CNKSR1: variants seen among roughly 807,000 people sequenced by gnomAD.
The protein encoded by CNKSR1 is CNK homolog protein 1.
In CNKSR1, 88 loss-of-function variants were observed where a neutral mutation model predicts 95.6. The observed-to-expected ratio is 0.92, with a 90% CI of 0.78 to 1.10. The LOEUF is 1.10. CNKSR1 is among the 50% of genes least tolerant of loss of function. CNKSR1 has a pLI of 0.00. For missense variants in CNKSR1, 836 were observed against 912.0 expected (o/e 0.92, Z 1.07); for synonymous variants, 355 against 369.7 (o/e 0.96, Z 0.46).
At chr1:26,188,128 A>C (rs541245617) in intron 16 of CNKSR1, 106 bp from the exon 17 acceptor site, 1 of 940,600 alleles carries the variant, frequency 1.1e-6, no homozygotes, top group African/African-American at 1.6e-5. Flanking sequence ...CATCCCTCTC[A>C]GAGTTGCTCT....
In CNKSR1 at chr1:26,181,960, A is replaced by C; in HGVS notation, c.477+19A>C. The C allele has an allele frequency of 6.2e-7, 1 of 1,611,942 alleles. No individual in the cohort carries two copies. The highest frequency in any genetic ancestry group is 8.5e-7 in the Non-Finnish European group (1 of 1,178,172). ...GCATGAGGTAGGAGAACCAAGGGCC[A>C]GGCTTGGCCCATGCCCTAGAGACCA... On this transcript the variant is annotated intron_variant, in intron 4 of 20. Coordinates refer to ENST00000361530, the MANE Select transcript of CNKSR1 (RefSeq NM_006314.3).
Position 26,185,089 on chromosome 1 carries a change from T to G in CNKSR1, c.1211T>G (p.Leu404Arg). ...CGGCCGGACTGTGACGGCTGGCTCC[T>G]GTTGCGAAAGGCACCGGGCGGCTTC... ...LGRPDCDGWLLLRKAPGGFMG... is the reference protein window; with the variant it reads ...LGRPDCDGWLRLRKAPGGFMG... Residue 404 changes from leucine to arginine, a missense_variant, in exon 14 of 21, where the codon CTG becomes CGG. Leu to Arg is a moderately radical substitution (Grantham distance 102). Coordinates refer to ENST00000361530, the MANE Select transcript of CNKSR1 (RefSeq NM_006314.3). 1 of 1,606,164 alleles carries G rather than the reference T, an allele frequency of 6.2e-7. No individual in the cohort carries two copies. The highest frequency in any genetic ancestry group is 1.7e-5 in the Admixed American group (1 of 59,470).
At position 26,177,506 on chromosome 1, in the gene CNKSR1, C is replaced by G; in HGVS notation, c.-42C>G. The G allele has an allele frequency of 6.2e-7, 1 of 1,612,612 alleles. No individual in the cohort carries two copies. The highest frequency in any genetic ancestry group is 1.1e-5 in the South Asian group (1 of 90,708). ...CTGGGAGCGGAAATTCCGGCGACAGCAGGGCAAAACAGGAGCTGATTCGAG... is the reference window on the plus strand; with the variant it reads ...CTGGGAGCGGAAATTCCGGCGACAGGAGGGCAAAACAGGAGCTGATTCGAG... On this transcript the variant is annotated 5_prime_UTR_variant, in exon 1 of 21. Transcript: ENST00000361530.
chr1:26,181,611 T>C (rs192780791), intron 3 of CNKSR1: 13 of 489,766 alleles, frequency 2.7e-5, no homozygotes, highest in Non-Finnish European at 4.5e-5. Flanking sequence ...TAAATTGATA[T>C]TGATGTATGA....
intron 16 of CNKSR1, 27 bp downstream of exon 16, chr1:26,187,509 C>G: frequency 1.2e-6 from 2 of 1,610,302 alleles, no homozygotes; most frequent in South Asian, 2.2e-5. Flanking sequence ...TTAGCCCCTA[C>G]TCTCATATGA....
intron 2 of CNKSR1, 31 bp from the exon 3 acceptor site, chr1:26,180,684 A>C (rs773320900): frequency 1.2e-6 from 2 of 1,614,036 alleles, no homozygotes; most frequent in South Asian, 2.2e-5. Flanking sequence ...GGCTGCTGCC[A>C]GGGAGGTGAC....
rs377138617 is a variant in CNKSR1, at chr1:26,183,809, G to T, written c.834G>T (p.Pro278=). ...TCAGCTTAGTGCTGAAGAAGATCCC[G>T]ATACCGGAGACCCCCCCACAGGTAC... is the stretch of plus-strand genomic sequence containing the variant. ...AGLSLVLKKI[P]IPETPPQTPP... is the part of the protein sequence containing the mutation. Residue 278 remains proline, a synonymous_variant, in exon 9 of 21, where the codon CCG becomes CCT. Transcript: ENST00000361530. 1.2e-6 allele frequency: 2 copies of T among 1,610,268 alleles called. No homozygotes were observed. The highest frequency in any genetic ancestry group is 2.7e-5 in the African/African-American group (2 of 74,430).
chr1:26,182,826 G>A (rs550015955), intron 6 of CNKSR1, among the ~76,000 whole-genome samples: 8 of 152,308 alleles, frequency 5.3e-5, no homozygotes, highest in South Asian at 2.1e-4. Context: ...GGATGGAGAC[G>A]GGGCAGGGGC....
At chr1:26,186,818 G>C in intron 14 of CNKSR1, 1 of 290,112 alleles carries the variant, frequency 3.4e-6, no homozygotes, top group Non-Finnish European at 6.6e-6. Flanking sequence ...TCCCAGTCTG[G>C]TCTCAAACTC....
chr1:26,184,027 T>C (rs369638842), intron 9 of CNKSR1, 44 bp from the exon 10 acceptor site: 2 of 1,474,786 alleles, frequency 1.4e-6, no homozygotes, highest in Non-Finnish European at 1.9e-6. Context: ...CCAACCTGCT[T>C]TCAGACCCCT....
At chr1:26,188,726 G>T in intron 19 of CNKSR1, 29 bp downstream of exon 19, 1 of 1,612,022 alleles carries the variant, frequency 6.2e-7, no homozygotes, top group South Asian at 1.1e-5. Flanking sequence ...GAGCTGGGCT[G>T]GGGGCTGGGG....
chr1:26,181,975 C>T (rs374990286), intron 4 of CNKSR1, 34 bp downstream of exon 4: 3 of 1,584,772 alleles, frequency 1.9e-6, no homozygotes, highest in African/African-American at 2.7e-5. Context: ...TGGCCCATGC[C>T]CTAGAGACCA....
chr1:26,189,208 T>A (rs1380817587), intron 20 of CNKSR1, 71 bp from the exon 21 acceptor site: 4 of 1,580,034 alleles, frequency 2.5e-6, no homozygotes, highest in Admixed American at 3.3e-5. Flanking sequence ...ACCTCCGGAG[T>A]GAAGTCTGGC....
In CNKSR1 at chr1:26,184,634, GTGGGGGT is replaced by G; in HGVS notation, c.1135+24_1135+30del. On this transcript the variant is annotated intron_variant, in intron 13 of 20. Coordinates refer to ENST00000361530, the MANE Select transcript of CNKSR1 (RefSeq NM_006314.3). ...AAAGGTATGAGGTGCGCTGGACTAGGTGGGGGTTCCCCTGTTTGAGGAGCTGTTAAAA... is the reference window on the plus strand; with the variant it reads ...AAAGGTATGAGGTGCGCTGGACTAGGTCCCCTGTTTGAGGAGCTGTTAAAA... 1.9e-6 allele frequency: 3 copies of G among 1,588,990 alleles called. No individual in the cohort carries two copies. The African/African-American group carries it at 4.0e-5, about 21-fold the overall frequency.
At chr1:26,187,121 G>C in intron 14 of CNKSR1, 47 bp from the exon 15 acceptor site, 1 of 1,487,456 alleles carries the variant, frequency 6.7e-7, no homozygotes, top group Non-Finnish European at 9.4e-7. Flanking sequence ...ACTGGGCCTT[G>C]AGGGTATTGG....
chr1:26,180,229 G>A (rs2088621298), intron 1 of CNKSR1: 3 of 598,180 alleles, frequency 5.0e-6, no homozygotes, highest in Non-Finnish European at 8.9e-6. Context: ...GTTCTCCGGT[G>A]AGTCTGCTGC....
intron 12 of CNKSR1, 23 bp downstream of exon 12, chr1:26,184,530 G>C (rs753667404): frequency 6.3e-5 from 101 of 1,607,190 alleles, no homozygotes; most frequent in Non-Finnish European, 8.5e-5. Context: ...GCTTAGCAAG[G>C]GGGTGGGTGG....
Position 26,180,784 on chromosome 1 carries a change from C to T in CNKSR1, c.280C>T (p.Gln94Ter). The T allele has an allele frequency of 1.2e-6, 2 of 1,614,222 alleles. No individual in the cohort carries two copies. The highest frequency in any genetic ancestry group is 1.7e-6 in the Non-Finnish European group (2 of 1,180,042). The stretch of plus-strand genomic sequence containing the variant: ...ACTTCTGGGGGCAACCCATGACTTC[C>T]AGAGCATAGTCCAAGGCTGCCTGGG... ...EGLLGATHDF[Q>*]SIVQGCLGDC... is the part of the protein sequence containing the mutation. The change falls in exon 3 of 21, where the codon CAG (glutamine) becomes TAG (stop). Residue 94 changes from glutamine (Q) to a stop codon, truncating the protein, a stop_gained. Transcript: ENST00000361530. LOFTEE classifies it high-confidence loss of function.
rs531436260 is a variant in CNKSR1 at position 26,186,633 on chromosome 1, C to A, written c.1309-535C>A. Among the ~76,000 whole-genome samples the A allele has an allele frequency of 1.1e-4, 17 of 152,288 alleles. No individual in the cohort carries two copies. The East Asian group carries it at 3.3e-3, about 29-fold the overall frequency. ...GGGATTACAGGCACCTGCCACCATG[C>A]CTGGCTAATTTTTTGTATTTTTAGT... On this transcript the variant is annotated intron_variant, in intron 14 of 20. Transcript: ENST00000361530.
Sources: gnomAD v4.1 joint callset for allele counts (sites outside exome capture counted in the v4.1 genomes callset) on GRCh38, gnomAD v4.1.1 for gene constraint, MANE v1.5 for transcripts, NCBI Gene and HGNC (gene_info 2026-07-23, HGNC 2026-07-21) for gene names.